The following CYYR1 variants were observed in gnomAD, a reference collection of about 807,000 sequenced individuals.
CYYR1 encodes cysteine and tyrosine-rich protein 1.
CYYR1 carries 14 observed loss-of-function variants against 15.2 expected under a neutral mutation model. That is an observed-to-expected ratio of 0.92 (90% CI 0.61 to 1.44). The LOEUF (loss-of-function observed/expected upper bound fraction) is 1.44. Among genes scored for constraint, CYYR1 ranks in the 40% most tolerant of loss-of-function variants. The pLI is 0.00. For missense variants in CYYR1, 228 were observed against 209.5 expected (o/e 1.09, Z -0.54); for synonymous variants, 80 against 77.4 (o/e 1.03, Z -0.18).
chr21:26,551,008 A>T (rs775823853), intron 2 of CYYR1: 1 of 152,642 alleles, frequency 6.6e-6, no homozygotes, highest in Non-Finnish European at 1.5e-5. Context: ...CTTGTCAGAC[A>T]CTAATACAGC....
chr21:26,510,379 TAG>T (rs1213042658), intron 2 of CYYR1, among the ~76,000 whole-genome samples: 1 of 152,190 alleles, frequency 6.6e-6, no homozygotes, highest in Non-Finnish European at 1.5e-5. Context: ...GCCAGTGAGG[TAG>T]GGAGCTGTTT....
chr21:26,512,032 G>A (rs2065655293), intron 2 of CYYR1, among the ~76,000 whole-genome samples: 1 of 150,608 alleles, frequency 6.6e-6, no homozygotes, highest in Non-Finnish European at 1.5e-5. Context: ...AAGTACGGCA[G>A]TACCATCAGA....
chr21:26,521,765 C>T (rs913349923), intron 2 of CYYR1, among the ~76,000 whole-genome samples: 14 of 152,038 alleles, frequency 9.2e-5, no homozygotes, highest in African/African-American at 3.4e-4. Flanking sequence ...TAGATAGAGG[C>T]AGGACAATTA....
intron 2 of CYYR1, among the ~76,000 whole-genome samples, chr21:26,515,901 A>G (rs1292064988): frequency 6.6e-6 from 1 of 152,162 alleles, no homozygotes; most frequent in Non-Finnish European, 1.5e-5. Context: ...TTGTTTCCAC[A>G]CTAGCCCTCC....
rs1465591003 is a variant in CYYR1 at position 26,547,895 on chromosome 21, T to C, written c.176+18371A>G. The stretch of plus-strand genomic sequence containing the variant: ...TGATTTACCCATCATGTATGAATAA[T>C]GGAAGCATACATTAGAGAATAGAAA... On this transcript the variant is annotated intron_variant, in intron 2 of 3. Transcript: ENST00000652641. Among the ~76,000 whole-genome samples the C allele has an allele frequency of 4.1e-5, 6 of 145,594 alleles. No homozygotes were observed. The East Asian group carries it at 1.2e-3, about 29-fold the overall frequency.
chr21:26,559,472 A>T (rs1980047023), intron 2 of CYYR1, among the ~76,000 whole-genome samples: 1 of 152,266 alleles, frequency 6.6e-6, no homozygotes, highest in Non-Finnish European at 1.5e-5. Context: ...TAAAGTGTAC[A>T]GTTCGGTGTT....
chr21:26,543,730 A>T (rs1978744257), intron 2 of CYYR1, among the ~76,000 whole-genome samples: 1 of 151,774 alleles, frequency 6.6e-6, no homozygotes, highest in Non-Finnish European at 1.5e-5. Flanking sequence ...ACAAGGTAAA[A>T]CCCCGTCTCT....
chr21:26,525,660 A>T (rs1433809720), intron 2 of CYYR1, among the ~76,000 whole-genome samples: 1 of 152,244 alleles, frequency 6.6e-6, no homozygotes, highest in East Asian at 1.9e-4. Flanking sequence ...CACTATGTTA[A>T]ATGGAAGTTT....
chr21:26,499,902 T>C (rs1416994892), intron 2 of CYYR1, among the ~76,000 whole-genome samples: 3 of 151,364 alleles, frequency 2.0e-5, no homozygotes, highest in African/African-American at 4.9e-5. Context: ...AAGGGCTTGA[T>C]TGGGGAAATT....
At chr21:26,542,989 A>C (rs1978679100) in intron 2 of CYYR1, among the ~76,000 whole-genome samples, 1 of 152,348 alleles carries the variant, frequency 6.6e-6, no homozygotes, top group East Asian at 1.9e-4. Context: ...TATTCAACAC[A>C]ATTTTTTGAA....
At chr21:26,523,434 A>C (rs2065826908) in intron 2 of CYYR1, among the ~76,000 whole-genome samples, 2 of 152,192 alleles carry the variant, frequency 1.3e-5, no homozygotes, top group Admixed American at 1.3e-4. Flanking sequence ...AATACCAATC[A>C]GATCATTCCA....
intron 3 of CYYR1, among the ~76,000 whole-genome samples, chr21:26,472,670 A>T (rs1052033338): frequency 6.6e-6 from 1 of 152,128 alleles, no homozygotes; most frequent in Non-Finnish European, 1.5e-5. Context: ...GATATAAGTA[A>T]GATATAAAAA....
intron 2 of CYYR1, among the ~76,000 whole-genome samples, chr21:26,492,291 A>C (rs1023485040): frequency 6.6e-6 from 1 of 152,194 alleles, no homozygotes; most frequent in African/African-American, 2.4e-5. Flanking sequence ...TGGCGTTGGG[A>C]ACCTACCTTT....
chr21:26,550,725 T>G (rs1385313938), intron 2 of CYYR1: 1 of 152,202 alleles, frequency 6.6e-6, no homozygotes. Flanking sequence ...GAAGGAAAGT[T>G]AAATGCTAGA....
At chr21:26,514,447 A>T (rs951125273) in intron 2 of CYYR1, among the ~76,000 whole-genome samples, 5 of 152,222 alleles carry the variant, frequency 3.3e-5, no homozygotes, top group African/African-American at 1.2e-4. Context: ...ATCTCTGTAG[A>T]TACCAGCTCC....
In CYYR1 at chr21:26,572,854, C is replaced by T; in HGVS notation, c.73+14G>A. 1 of 1,613,422 alleles carries T rather than the reference C, an allele frequency of 6.2e-7. No homozygotes were observed. The highest frequency in any genetic ancestry group is 8.5e-7 in the Non-Finnish European group (1 of 1,179,756). The stretch of plus-strand genomic sequence containing the variant: ...CCGAGCCTCTGACCCTCTCCGCCGC[C>T]CTCCGTCACTGACCTGCGTAGACAA... On this transcript the variant is annotated intron_variant, in intron 1 of 3. Transcript: ENST00000652641.
chr21:26,501,209 A>G (rs549837969), intron 2 of CYYR1, among the ~76,000 whole-genome samples: 2 of 152,268 alleles, frequency 1.3e-5, no homozygotes, highest in South Asian at 2.1e-4. Context: ...GTGGTGGCAC[A>G]TGCCTGCAAT....
At chr21:26,517,911 C>T (rs2065753693) in intron 2 of CYYR1, among the ~76,000 whole-genome samples, 1 of 152,148 alleles carries the variant, frequency 6.6e-6, no homozygotes, top group Non-Finnish European at 1.5e-5. Context: ...CACACAAGAA[C>T]ATACAGGTAT....
At chr21:26,500,711 G>C (rs927370516) in intron 2 of CYYR1, among the ~76,000 whole-genome samples, 7 of 152,078 alleles carry the variant, frequency 4.6e-5, no homozygotes, top group Admixed American at 3.9e-4. Context: ...TGGGAAGACA[G>C]AGCAATTGGC....
Sources: gnomAD v4.1 joint callset for allele counts (sites outside exome capture counted in the v4.1 genomes callset) on GRCh38, gnomAD v4.1.1 for gene constraint, MANE v1.5 for transcripts, NCBI Gene and HGNC (gene_info 2026-07-23, HGNC 2026-07-21) for gene names.